The following EIF2B3 variants were observed in gnomAD, a reference collection of about 807,000 sequenced individuals.
The protein encoded by EIF2B3 is eukaryotic translation initiation factor 2B subunit gamma.
In EIF2B3, 20 loss-of-function variants were observed where a neutral mutation model predicts 54.1. The ratio of observed to expected loss-of-function variants is 0.37; its 90% CI spans 0.26 to 0.54. The LOEUF (loss-of-function observed/expected upper bound fraction) is 0.54. Ranked by LOEUF, EIF2B3 falls within the 20% of genes least tolerant of loss-of-function variation. The pLI, the probability that EIF2B3 is intolerant of heterozygous loss-of-function variation, is 0.86. For missense variants in EIF2B3, 448 were observed against 547.8 expected, an observed-to-expected ratio of 0.82 and a Z score of 1.82; for synonymous variants, 153 against 188.1, an observed-to-expected ratio of 0.81 and a Z score of 1.52.
At chr1:44,918,331 C>A (rs1557684937) in intron 5 of EIF2B3, among the ~76,000 whole-genome samples, 1 of 151,816 alleles carries the variant, frequency 6.6e-6, no homozygotes, top group Non-Finnish European at 1.5e-5. Flanking sequence ...ACCTGGCCGT[C>A]TTGGCCTCCC....
chr1:44,913,377 G>A (rs1220104022), intron 5 of EIF2B3, among the ~76,000 whole-genome samples: 1 of 151,982 alleles, frequency 6.6e-6, no homozygotes, highest in Non-Finnish European at 1.5e-5. Context: ...CCTGACCACT[G>A]TAAGAAACAA....
intron 10 of EIF2B3, among the ~76,000 whole-genome samples, chr1:44,873,550 A>G (rs1224552721): frequency 6.6e-6 from 1 of 152,148 alleles, no homozygotes; most frequent in Non-Finnish European, 1.5e-5. Flanking sequence ...TTTGTAGCTG[A>G]TCCATAGCAA....
intron 4 of EIF2B3, 123 bp from the exon 5 acceptor site, chr1:44,926,862 C>T: frequency 1.1e-6 from 1 of 872,548 alleles, no homozygotes; most frequent in Non-Finnish European, 1.8e-6. Flanking sequence ...AGGGTGGGTG[C>T]AGTGGCTCAC....
intron 3 of EIF2B3, among the ~76,000 whole-genome samples, chr1:44,951,849 T>C (rs1260838170): frequency 6.7e-6 from 1 of 148,624 alleles, no homozygotes; most frequent in African/African-American, 2.5e-5. Context: ...GTGCAGTGGC[T>C]CAATCTCAGC....
intron 1 of EIF2B3, among the ~76,000 whole-genome samples, chr1:44,985,334 C>T (rs1644560745): frequency 6.6e-6 from 1 of 152,204 alleles, no homozygotes; most frequent in South Asian, 2.1e-4. Flanking sequence ...CTAACCGTTC[C>T]CACCCCTCCA....
intron 11 of EIF2B3, 26 bp from the exon 12 acceptor site, chr1:44,851,029 TCTGAGAACTGGCAG>T: frequency 6.2e-7 from 1 of 1,611,520 alleles, no homozygotes; most frequent in Non-Finnish European, 8.5e-7. Flanking sequence ...AAAAAAGTTT[TCTGAGAACTGGCAG>T]CAAGATGACA....
At chr1:44,934,310 A>C (rs1643923714) in intron 4 of EIF2B3, among the ~76,000 whole-genome samples, 1 of 152,022 alleles carries the variant, frequency 6.6e-6, no homozygotes, top group African/African-American at 2.4e-5. Context: ...AGGCAGGAGA[A>C]TCACTTGAAC....
chr1:44,855,563 T>TC (rs1185963329), intron 11 of EIF2B3, among the ~76,000 whole-genome samples: 1 of 151,408 alleles, frequency 6.6e-6, no homozygotes, highest in East Asian at 1.9e-4. Context: ...TGAGGATCTT[T>TC]TTTTTTTTTT....
At chr1:44,931,620 T>G (rs1442292011) in intron 4 of EIF2B3, among the ~76,000 whole-genome samples, 2 of 152,218 alleles carry the variant, frequency 1.3e-5, no homozygotes, top group Non-Finnish European at 2.9e-5. Context: ...TAGTAAAAAC[T>G]AACACAACAT....
In EIF2B3 at chr1:44,875,706, G is replaced by A. The variant is rs889304859; in HGVS notation, c.976-11C>T. The stretch of plus-strand genomic sequence containing the variant: ...CAGCAATTTGGGCACCTTAAGGACA[G>A]AGATTTGGTCACTAAAGATCAGAAA... On this transcript the variant is annotated splice_polypyrimidine_tract_variant and intron_variant, in intron 8 of 11. Transcript: ENST00000360403. 3.1e-6 allele frequency: 5 copies of A among 1,613,194 alleles called. No homozygotes were observed. Among genetic ancestry groups the A allele is most frequent in the African/African-American group, 2.7e-5 (2 of 74,918 alleles).
intron 5 of EIF2B3, among the ~76,000 whole-genome samples, chr1:44,901,895 C>A (rs1388533067): frequency 1.3e-5 from 2 of 152,084 alleles, no homozygotes; most frequent in African/African-American, 4.8e-5. Context: ...GGTTCAAAAT[C>A]TTTAATTTTT....
chr1:44,875,441 A>G (rs185496723), intron 9 of EIF2B3, among the ~76,000 whole-genome samples, 177 bp downstream of exon 9: 89 of 152,318 alleles, frequency 5.8e-4, no homozygotes, highest in African/African-American at 2.0e-3. Flanking sequence ...CCTTCCTTAC[A>G]AGGTCATTAC....
rs947596221 is a variant in EIF2B3 at position 44,927,904 on chromosome 1, G to A, written c.455-1165C>T. The stretch of plus-strand genomic sequence containing the variant: ...AGTGGCTGGGCAGTGGTTCCTGCCT[G>A]TAATTCCAGCACTTTGGGAGGCTGA... On this transcript the variant is annotated intron_variant, in intron 4 of 11. Transcript: ENST00000360403. Among the ~76,000 whole-genome samples the A allele has an allele frequency of 9.2e-5, 14 of 152,292 alleles. No individual in the cohort carries two copies. The East Asian group carries it at 2.7e-3, about 29-fold the overall frequency.
At chr1:44,944,431 G>A (rs1467008807) in intron 3 of EIF2B3, among the ~76,000 whole-genome samples, 2 of 151,270 alleles carry the variant, frequency 1.3e-5, no homozygotes, top group African/African-American at 4.9e-5. Context: ...GGAGTTCAAG[G>A]TTAGAGTGAG....
chr1:44,895,705 TG>T (rs1055540732), intron 6 of EIF2B3, among the ~76,000 whole-genome samples: 2 of 152,036 alleles, frequency 1.3e-5, no homozygotes, highest in Non-Finnish European at 2.9e-5. Flanking sequence ...TTTAGGGTAA[TG>T]GGGGGAGAGA....
In EIF2B3 at chr1:44,850,878, G is replaced by A. The variant is rs942677796; in HGVS notation, c.*73C>T. On this transcript the variant is annotated 3_prime_UTR_variant, in exon 12 of 12. Coordinates refer to ENST00000360403, the MANE Select transcript of EIF2B3 (RefSeq NM_020365.5). Reference sequence around the variant, plus strand: ...CCTTCTTTATTGGGAAATAAATACAGAGTTAAACAGGTGGGCCGGCCAACA... The same window carrying A: ...CCTTCTTTATTGGGAAATAAATACAAAGTTAAACAGGTGGGCCGGCCAACA... 23 of 1,523,000 alleles carry A rather than the reference G, an allele frequency of 1.5e-5. No homozygotes were observed. The highest frequency in any genetic ancestry group is 4.1e-5 in the African/African-American group (3 of 73,026). The allele number at this position is 1,523,000 out of a possible 1,614,324, so 94.3% of individuals were successfully genotyped here. A position where few individuals can be genotyped will look rare whatever the true frequency, so the allele number is the denominator to read the frequency against.
At chr1:44,898,648 T>C (rs1172113297) in intron 5 of EIF2B3, among the ~76,000 whole-genome samples, 2 of 152,146 alleles carry the variant, frequency 1.3e-5, no homozygotes, top group Non-Finnish European at 2.9e-5. Flanking sequence ...CTTCTAACTC[T>C]GTGTTGCTTG....
At chr1:44,937,179 A>C (rs1303937947) in intron 4 of EIF2B3, 2 of 152,236 alleles carry the variant, frequency 1.3e-5, no homozygotes, top group African/African-American at 4.8e-5. Flanking sequence ...TGTAATACCT[A>C]CTTATGAATC....
chr1:44,851,957 T>C (rs1485326941), intron 11 of EIF2B3, among the ~76,000 whole-genome samples: 1 of 151,656 alleles, frequency 6.6e-6, no homozygotes, highest in Admixed American at 6.6e-5. Flanking sequence ...TAATCCCTTT[T>C]TTTTTTTTTG....
Sources: allele counts gnomAD v4.1 joint callset (sites outside exome capture counted in the v4.1 genomes callset), GRCh38; gene constraint gnomAD v4.1.1; transcripts MANE v1.5; gene names NCBI Gene and HGNC (gene_info 2026-07-23, HGNC 2026-07-21).